ITPR2: variants seen among roughly 807,000 people sequenced by gnomAD.
The protein encoded by ITPR2 is inositol 1,4,5-trisphosphate receptor type 2.
In ITPR2, 207 loss-of-function variants were observed where a neutral mutation model predicts 317.1. The ratio of observed to expected loss-of-function variants is 0.65; its 90% confidence interval spans 0.58 to 0.73. The LOEUF (loss-of-function observed/expected upper bound fraction) is 0.73. ITPR2 is among the 30% of genes least tolerant of loss of function. The pLI is 0.00. For synonymous variants in ITPR2, 1,156 were observed against 1,149.1 expected (o/e 1.01, Z -0.12); for missense variants, 2,613 against 3,284.0 (o/e 0.80, Z 4.99).
At chr12:26,614,330 A>G (rs968015471) in intron 26 of ITPR2, among the ~76,000 whole-genome samples, 1 of 152,054 alleles carries the variant, frequency 6.6e-6, no homozygotes, top group African/African-American at 2.4e-5. Context: ...GCAAGTGTCT[A>G]GTTTGGGGAG....
intron 5 of ITPR2, among the ~76,000 whole-genome samples, chr12:26,720,225 T>C (rs529655649): frequency 1.3e-5 from 2 of 152,302 alleles, no homozygotes; most frequent in Non-Finnish European, 2.9e-5. Context: ...TCCCAGACTA[T>C]CGTCAGCCTA....
At chr12:26,810,294 C>CT (rs899888920) in intron 1 of ITPR2, among the ~76,000 whole-genome samples, 7 of 151,972 alleles carry the variant, frequency 4.6e-5, no homozygotes, top group African/African-American at 9.7e-5. Flanking sequence ...ATCCTTATAG[C>CT]TTTTTTTTCA....
chr12:26,505,498 T>G (rs1943163096), intron 37 of ITPR2, among the ~76,000 whole-genome samples: 1 of 152,188 alleles, frequency 6.6e-6, no homozygotes, highest in South Asian at 2.1e-4. Flanking sequence ...TACTTAACCT[T>G]TAGATCTCAG....
At chr12:26,795,957 T>G (rs1245792746) in intron 1 of ITPR2, among the ~76,000 whole-genome samples, 2 of 140,196 alleles carry the variant, frequency 1.4e-5, no homozygotes, top group Admixed American at 7.2e-5. Flanking sequence ...GCACCCCAGC[T>G]TGCGCAACAG....
At chr12:26,540,639 C>T (rs2136981174) in intron 37 of ITPR2, among the ~76,000 whole-genome samples, 1 of 152,106 alleles carries the variant, frequency 6.6e-6, no homozygotes, top group South Asian at 2.1e-4. Flanking sequence ...TCTCAAAAAC[C>T]CTTGAAGCAA....
At chr12:26,545,948 T>C (rs758210686) in intron 37 of ITPR2, among the ~76,000 whole-genome samples, 1 of 152,220 alleles carries the variant, frequency 6.6e-6, no homozygotes, top group Non-Finnish European at 1.5e-5. Context: ...GGGAATGAGA[T>C]GTCTTCTGCT....
chr12:26,433,747 A>G (rs1941279888), intron 48 of ITPR2, among the ~76,000 whole-genome samples: 1 of 152,062 alleles, frequency 6.6e-6, no homozygotes, highest in African/African-American at 2.4e-5. Context: ...CTGAGTGGGT[A>G]TCTATTTAGC....
chr12:26,404,884 A>T (rs1940297650), intron 52 of ITPR2, among the ~76,000 whole-genome samples: 1 of 152,216 alleles, frequency 6.6e-6, no homozygotes, highest in Non-Finnish European at 1.5e-5. Flanking sequence ...CTGTAATCCC[A>T]GCACTTTGGG....
rs1948505075 is a variant in ITPR2 at position 26,704,101 on chromosome 12, C to A, written c.951+7072G>T. Among the ~76,000 whole-genome samples, 4 of 152,228 alleles carry A rather than the reference C, an allele frequency of 2.6e-5. No homozygotes were observed. In the South Asian group the frequency reaches 8.3e-4, roughly 32 times the overall value. On this transcript the variant is annotated intron_variant, in intron 9 of 56. Transcript: ENST00000381340. ...AAATGCTCAATGAACTCTAACTGCG[C>A]TATATTATTTAAAAGACCACAATTT...
At chr12:26,439,541 T>C (rs1002888199) in intron 46 of ITPR2, among the ~76,000 whole-genome samples, 2 of 152,216 alleles carry the variant, frequency 1.3e-5, no homozygotes, top group Non-Finnish European at 2.9e-5. Context: ...CACTATACTT[T>C]GCTTAAAATA....
At chr12:26,351,429 A>G (rs150051380) in intron 55 of ITPR2, among the ~76,000 whole-genome samples, 15 of 152,380 alleles carry the variant, frequency 9.8e-5, no homozygotes, top group African/African-American at 3.1e-4. Context: ...TTTTTCCTAC[A>G]GAAATGTCAA....
chr12:26,767,295 T>C (rs1312227473), intron 2 of ITPR2, among the ~76,000 whole-genome samples: 1 of 152,192 alleles, frequency 6.6e-6, no homozygotes, highest in African/African-American at 2.4e-5. Context: ...TGCCTGGAGC[T>C]CTCACCTGCC....
intron 39 of ITPR2, among the ~76,000 whole-genome samples, chr12:26,491,356 A>G (rs1034720165): frequency 8.6e-5 from 13 of 151,358 alleles, no homozygotes; most frequent in Admixed American, 3.3e-4. Flanking sequence ...GGTGGTGGGC[A>G]CCTGTAGTCC....
At chr12:26,718,520 G>A (rs1055309083) in intron 5 of ITPR2, among the ~76,000 whole-genome samples, 1 of 139,220 alleles carries the variant, frequency 7.2e-6, no homozygotes, top group African/African-American at 3.0e-5. Context: ...TATATATAAG[G>A]TTTTAAATAT....
chr12:26,426,831 AT>A lies in ITPR2; in HGVS notation c.6945+1081del, dbSNP rs201653255. On this transcript the variant is annotated intron_variant, in intron 49 of 56. Transcript: ENST00000381340. ...TAATTCATTTTAATAAATAAATAAA[AT>A]AAATACATTTTATTTATTAAGTAAA... Among the ~76,000 whole-genome samples the A allele has an allele frequency of 2.6e-3, 393 of 151,064 alleles. 3 individuals are homozygous for A. The highest frequency in any genetic ancestry group is 5.2e-3 in the East Asian group (27 of 5,182).
intron 32 of ITPR2, among the ~76,000 whole-genome samples, chr12:26,589,827 A>ATAT: frequency 2.9e-5 from 1 of 34,316 alleles, no homozygotes; most frequent in African/African-American, 8.7e-5. Flanking sequence ...TAAATAAATA[A>ATAT]ATAAACATAT....
At chr12:26,589,412 C>T (rs1945626771) in intron 32 of ITPR2, among the ~76,000 whole-genome samples, 1 of 151,952 alleles carries the variant, frequency 6.6e-6, no homozygotes, top group African/African-American at 2.4e-5. Context: ...AGTGCTGACT[C>T]CAGAAACACA....
At chr12:26,396,029 T>C (rs1003347259) in intron 54 of ITPR2, among the ~76,000 whole-genome samples, 8 of 152,204 alleles carry the variant, frequency 5.3e-5, no homozygotes, top group African/African-American at 1.9e-4. Flanking sequence ...AAAATTTTTT[T>C]ATGATAAGGC....
intron 48 of ITPR2, among the ~76,000 whole-genome samples, chr12:26,435,290 T>C (rs748274014): frequency 1.3e-5 from 2 of 152,346 alleles, no homozygotes; most frequent in East Asian, 1.9e-4. Flanking sequence ...AGTACAAATA[T>C]GTACCTTTTA....
Sources: gnomAD v4.1 joint callset for allele counts (sites outside exome capture counted in the v4.1 genomes callset) on GRCh38, gnomAD v4.1.1 for gene constraint, MANE v1.5 for transcripts, NCBI Gene and HGNC (gene_info 2026-07-23, HGNC 2026-07-21) for gene names.